The following CADPS2 variants were observed in gnomAD, a reference collection of about 807,000 sequenced individuals.
The protein encoded by CADPS2 is calcium dependent secretion activator 2.
CADPS2 carries 93 observed loss-of-function variants against 172.5 expected under a neutral mutation model. The observed-to-expected ratio is 0.54, with a 90% CI of 0.46 to 0.64. The LOEUF is 0.64. Among genes scored for constraint, CADPS2 ranks in the 30% least tolerant of loss-of-function variants. CADPS2 has a pLI of 0.00. For synonymous variants in CADPS2, 546 were observed against 555.2 expected, an observed-to-expected ratio of 0.98 and a Z score of 0.23; for missense variants, 1,420 against 1,565.9, an observed-to-expected ratio of 0.91 and a Z score of 1.57.
intron 9 of CADPS2, among the ~76,000 whole-genome samples, chr7:122,506,115 T>C (rs948958785): frequency 6.6e-6 from 1 of 152,210 alleles, no homozygotes; most frequent in Non-Finnish European, 1.5e-5. Context: ...GAGGCAGTCT[T>C]GCAGCCTCTA....
chr7:122,580,897 C>T (rs915342278), intron 7 of CADPS2, among the ~76,000 whole-genome samples: 1 of 152,126 alleles, frequency 6.6e-6, no homozygotes, highest in African/African-American at 2.4e-5. Flanking sequence ...GCACCATTCA[C>T]ATTCAATGGC....
At chr7:122,835,871 G>C (rs1264926132) in intron 1 of CADPS2, among the ~76,000 whole-genome samples, 1 of 152,206 alleles carries the variant, frequency 6.6e-6, no homozygotes, top group Non-Finnish European at 1.5e-5. Context: ...TATTATCCGG[G>C]AGAACTTCCC....
intron 28 of CADPS2, among the ~76,000 whole-genome samples, chr7:122,329,959 T>C (rs2034627917): frequency 6.6e-6 from 1 of 152,240 alleles, no homozygotes. Context: ...TGATATATTT[T>C]CTACTTAAGT....
Position 122,407,656 on chromosome 7 carries a change from T to G in CADPS2, c.2630A>C (p.Glu877Ala). The G allele has an allele frequency of 6.2e-7, 1 of 1,611,926 alleles. No homozygotes were observed. The stretch of plus-strand genomic sequence containing the variant: ...CACTGTAAATAAAGCCCAAAATTTC[T>G]CTGCATGTTCAGCCAATAAATCAGG... ...WWPDLLAEHA[E>A]KFWALFTVDM... The change falls in exon 20 of 30, where the codon GAG becomes GCG. Residue 877 changes from glutamate to alanine, a missense_variant. Transcript: ENST00000449022.
intron 25 of CADPS2, among the ~76,000 whole-genome samples, chr7:122,370,861 G>C (rs926070057): frequency 6.6e-6 from 1 of 152,150 alleles, no homozygotes; most frequent in Non-Finnish European, 1.5e-5. Flanking sequence ...ATGGGGACAA[G>C]AGCAATTATA....
chr7:122,714,515 T>G (rs1040701544), intron 2 of CADPS2, among the ~76,000 whole-genome samples: 3 of 152,028 alleles, frequency 2.0e-5, no homozygotes, highest in African/African-American at 7.2e-5. Context: ...GGGCTATGGG[T>G]AAAACAGTTA....
chr7:122,719,497 G>C (rs2090110956), intron 2 of CADPS2, among the ~76,000 whole-genome samples: 1 of 152,058 alleles, frequency 6.6e-6, no homozygotes, highest in Non-Finnish European at 1.5e-5. Context: ...AGGCATGCTG[G>C]GCAGAAAGAG....
At chr7:122,681,268 T>G (rs896861259) in intron 2 of CADPS2, 3 of 818,586 alleles carry the variant, frequency 3.7e-6, no homozygotes, top group African/African-American at 3.4e-5. Context: ...CCCTAAAACT[T>G]AAAGTATAAT....
Position 122,345,679 on chromosome 7 carries a change from T to C in CADPS2, c.3507A>G (p.Lys1169=). The C allele has an allele frequency of 1.9e-6, 3 of 1,601,736 alleles. No individual in the cohort carries two copies. The highest frequency in any genetic ancestry group is 2.6e-6 in the Non-Finnish European group (3 of 1,171,422). The change falls in exon 28 of 30, where the codon AAA becomes AAG. Residue 1169 remains lysine (K), a splice_region_variant and synonymous_variant. Transcript: ENST00000449022. Reference sequence around the variant, plus strand: ...AGGTGTCTGCCAGATCCATTCCTGGTTTCTGTTGTGAAGGAAAAGCAGGGG... The same window carrying C: ...AGGTGTCTGCCAGATCCATTCCTGGCTTCTGTTGTGAAGGAAAAGCAGGGG... ...KAAAKYVDVP[K]PGMDLADTYI...
intron 1 of CADPS2, among the ~76,000 whole-genome samples, chr7:122,847,867 C>T (rs1172250347): frequency 1.3e-5 from 2 of 152,178 alleles, no homozygotes; most frequent in Non-Finnish European, 2.9e-5. Context: ...TGGTTGATAG[C>T]ATGTATTAAA....
At chr7:122,446,177 T>C (rs2151995758) in intron 15 of CADPS2, among the ~76,000 whole-genome samples, 1 of 152,342 alleles carries the variant, frequency 6.6e-6, no homozygotes, top group East Asian at 1.9e-4. Flanking sequence ...TTTGGTTTAC[T>C]AATTCTATAT....
intron 1 of CADPS2, among the ~76,000 whole-genome samples, chr7:122,742,639 T>C (rs2092545736): frequency 6.6e-6 from 1 of 152,150 alleles, no homozygotes; most frequent in Admixed American, 6.5e-5. Context: ...AAATTAACTC[T>C]TCTTGGCAGT....
At chr7:122,528,131 G>A (rs1586880099) in intron 8 of CADPS2, among the ~76,000 whole-genome samples, 2 of 96,504 alleles carry the variant, frequency 2.1e-5, no homozygotes, top group South Asian at 3.1e-4. Context: ...TGGTGGTGGT[G>A]GTGGTGGTGG....
chr7:122,817,014 T>C (rs1423734993), intron 1 of CADPS2, among the ~76,000 whole-genome samples: 2 of 148,834 alleles, frequency 1.3e-5, no homozygotes, highest in East Asian at 2.0e-4. Flanking sequence ...CCCCTTTGAC[T>C]GTAATTTTCC....
In CADPS2 at chr7:122,554,578, C is replaced by T. The variant is rs1392815613; in HGVS notation, c.1447G>A (p.Asp483Asn). The change falls in exon 8 of 30, where the codon GAT becomes AAT. Residue 483 changes from aspartate to asparagine, a missense_variant. Coordinates refer to ENST00000449022, the MANE Select transcript of CADPS2 (RefSeq NM_017954.11). ...CTATGCTTCATATGTGCTGGTTTATCCATTCGCACTGCCAGTTTGATTTTT... is the reference window on the plus strand; with the variant it reads ...CTATGCTTCATATGTGCTGGTTTATTCATTCGCACTGCCAGTTTGATTTTT... Reference protein sequence around the residue: ...DLKIKLAVRMDKPAHMKHSGY... With the variant: ...DLKIKLAVRMNKPAHMKHSGY... 6.2e-7 allele frequency: 1 copy of T among 1,610,538 alleles called. No individual in the cohort carries two copies. Among genetic ancestry groups the T allele is most frequent in the Non-Finnish European group, 8.5e-7 (1 of 1,178,334 alleles).
At chr7:122,472,946 T>C (rs2056170075) in intron 13 of CADPS2, among the ~76,000 whole-genome samples, 1 of 152,130 alleles carries the variant, frequency 6.6e-6, no homozygotes, top group African/African-American at 2.4e-5. Flanking sequence ...TTAAACAGAA[T>C]GTAACTTTAT....
Position 122,855,642 on chromosome 7 carries a change from AAACAG to A in CADPS2, c.339+30352_339+30356del, listed in dbSNP as rs1369057812. Among the ~76,000 whole-genome samples, 6 of 152,316 alleles carry A rather than the reference AAACAG, an allele frequency of 3.9e-5. No individual in the cohort carries two copies. The East Asian group carries it at 7.7e-4, about 20-fold the overall frequency. ...ATTTGGAAAACAAGAGATGCCATGG[AAACAG>A]CAGGAAAAGCCTAGAAACAGGAATT... is the stretch of plus-strand genomic sequence containing the variant. On this transcript the variant is annotated intron_variant, in intron 1 of 29. Coordinates refer to ENST00000449022, the MANE Select transcript of CADPS2 (RefSeq NM_017954.11).
chr7:122,547,249 C>A (rs1314476730), intron 8 of CADPS2, among the ~76,000 whole-genome samples: 1 of 152,048 alleles, frequency 6.6e-6, no homozygotes, highest in Non-Finnish European at 1.5e-5. Flanking sequence ...CAACAAGCCT[C>A]CCTGCAGACA....
chr7:122,411,064 G>A (rs2047244313), intron 19 of CADPS2, among the ~76,000 whole-genome samples: 1 of 152,050 alleles, frequency 6.6e-6, no homozygotes, highest in Admixed American at 6.6e-5. Context: ...CTTAAGGGAG[G>A]CATATGGCAC....
Sources: allele counts gnomAD v4.1 joint callset (sites outside exome capture counted in the v4.1 genomes callset), GRCh38; gene constraint gnomAD v4.1.1; transcripts MANE v1.5; gene names NCBI Gene and HGNC (gene_info 2026-07-23, HGNC 2026-07-21).